The following AHCYL2 variants were observed in gnomAD, a reference collection of about 807,000 sequenced individuals.
AHCYL2 encodes the protein S-adenosylhomocysteine hydrolase-like protein 2.
AHCYL2 carries 28 observed loss-of-function variants against 81.4 expected under a neutral mutation model. The ratio of observed to expected loss-of-function variants is 0.34; its 90% CI spans 0.25 to 0.47. The LOEUF is 0.47. AHCYL2 is among the 20% of genes least tolerant of loss of function. The pLI, the probability that AHCYL2 is intolerant of heterozygous loss-of-function variation, is 1.00. For missense variants in AHCYL2, 551 were observed against 785.1 expected, an observed-to-expected ratio of 0.70 and a Z score of 3.56; for synonymous variants, 272 against 290.2, an observed-to-expected ratio of 0.94 and a Z score of 0.64.
intron 1 of AHCYL2, among the ~76,000 whole-genome samples, chr7:129,369,241 T>TA (rs1454054438): frequency 5.3e-5 from 8 of 152,244 alleles, no homozygotes; most frequent in African/African-American, 1.9e-4. Context: ...CATCCTTATG[T>TA]TTCTAAATAG....
intron 1 of AHCYL2, among the ~76,000 whole-genome samples, chr7:129,266,242 T>G (rs1199187083): frequency 1.3e-5 from 2 of 152,232 alleles, no homozygotes; most frequent in Non-Finnish European, 2.9e-5. Context: ...CGGTTAGGCT[T>G]CTTTGGTTGC....
rs964353540 is a variant in AHCYL2 at position 129,353,198 on chromosome 7, T to G, written c.364-26440T>G. On this transcript the variant is annotated intron_variant, in intron 1 of 16. Transcript: ENST00000325006. ...CCTGACCTTAGGTGATCCACCTGCC[T>G]CGGCCTCCCGAAGTGCTGGGATTAC... Among the ~76,000 whole-genome samples, 12 of 152,282 alleles carry G rather than the reference T, an allele frequency of 7.9e-5. 1 individual carries two copies. The highest frequency in any genetic ancestry group is 2.9e-4 in the African/African-American group (12 of 41,570).
chr7:129,311,369 C>T (rs1205823849), intron 1 of AHCYL2, among the ~76,000 whole-genome samples: 1 of 152,166 alleles, frequency 6.6e-6, no homozygotes, highest in East Asian at 1.9e-4. Flanking sequence ...TCTTTTCTGT[C>T]ATGGTGATCG....
At chr7:129,290,500 C>CA (rs76196258) in intron 1 of AHCYL2, among the ~76,000 whole-genome samples, 1,867 of 61,108 alleles carry the variant, frequency 0.031, 26 homozygotes, top group African/African-American at 0.042. Flanking sequence ...GACTCTGTCT[C>CA]AAAAAAAAAA....
chr7:129,377,396 C>A, intron 1 of AHCYL2: 1 of 312,668 alleles, frequency 3.2e-6, no homozygotes, highest in South Asian at 2.9e-5. Flanking sequence ...AATTTGCAAG[C>A]CCTAAAGCAC....
At chr7:129,375,825 G>A in intron 1 of AHCYL2, 2 of 1,535,018 alleles carry the variant, frequency 1.3e-6, no homozygotes, top group South Asian at 1.2e-5. Context: ...CTGATCACAA[G>A]GGTCCCTGGA....
At chr7:129,254,388 TA>T (rs1185867674) in intron 1 of AHCYL2, among the ~76,000 whole-genome samples, 1 of 152,202 alleles carries the variant, frequency 6.6e-6, no homozygotes, top group Non-Finnish European at 1.5e-5. Context: ...AAACCAGTAA[TA>T]TCCATTATCT....
At chr7:129,344,322 G>A (rs1584804208) in intron 1 of AHCYL2, among the ~76,000 whole-genome samples, 1 of 152,030 alleles carries the variant, frequency 6.6e-6, no homozygotes, top group African/African-American at 2.4e-5. Context: ...ATTCATAATG[G>A]CCCCAAAGTG....
Position 129,429,328 on chromosome 7 carries a change from T to G in AHCYL2, c.*2283T>G, listed in dbSNP as rs1797487632. On this transcript the variant is annotated 3_prime_UTR_variant, in exon 17 of 17. Coordinates refer to ENST00000325006, the MANE Select transcript of AHCYL2 (RefSeq NM_015328.4). ...AAGTATTTGGGTTCTATCTTAGGGT[T>G]GAAATCTGGTCATTATTCCCTCTAC... 6.6e-6 allele frequency: 1 copy of G among 152,208 alleles called. No homozygotes were observed. The highest frequency in any genetic ancestry group is 1.5e-5 in the Non-Finnish European group (1 of 68,034). 9.4% of individuals were successfully genotyped at this position (152,208 alleles called of 1,614,324 possible). A position where few individuals can be genotyped will look rare whatever the true frequency, so the allele number is the denominator to read the frequency against.
chr7:129,421,265 A>AG (rs397707943), intron 12 of AHCYL2, among the ~76,000 whole-genome samples: 1 of 151,560 alleles, frequency 6.6e-6, no homozygotes, highest in African/African-American at 2.4e-5. Flanking sequence ...AAAAAAAAAA[A>AG]GAATAGTGAA....
intron 1 of AHCYL2, among the ~76,000 whole-genome samples, chr7:129,344,535 A>G (rs778192273): frequency 6.0e-4 from 92 of 152,242 alleles, no homozygotes; most frequent in Non-Finnish European, 1.1e-3. Flanking sequence ...ATAAAAGGCA[A>G]ATCTATCTAT....
At position 129,225,451 on chromosome 7, in the gene AHCYL2, G is replaced by C. The variant is rs1323820173; in HGVS notation, c.363+12G>C. 5.3e-6 allele frequency: 8 copies of C among 1,500,988 alleles called. No homozygotes were observed. The highest frequency in any genetic ancestry group is 5.3e-6 in the Non-Finnish European group (6 of 1,131,174). The allele number at this position is 1,500,988 out of a possible 1,614,324, so 93.0% of individuals were successfully genotyped here. A position where few individuals can be genotyped will look rare whatever the true frequency, so the allele number is the denominator to read the frequency against. ...GCACAGTCAAGAAGGTACTGGGGCC[G>C]GGCTGCCTCTCTAGGAGAGGAAGGG... On this transcript the variant is annotated intron_variant, in intron 1 of 16. Transcript: ENST00000325006.
intron 1 of AHCYL2, among the ~76,000 whole-genome samples, chr7:129,255,089 C>T (rs1022928765): frequency 2.6e-5 from 4 of 151,636 alleles, no homozygotes; most frequent in Admixed American, 1.3e-4. Flanking sequence ...GGTGAACCCC[C>T]GTCTCTACTA....
At chr7:129,377,064 T>C (rs1203474917) in intron 1 of AHCYL2, among the ~76,000 whole-genome samples, 1 of 152,224 alleles carries the variant, frequency 6.6e-6, no homozygotes, top group African/African-American at 2.4e-5. Context: ...CTACTTCAGA[T>C]ATATTGATTC....
At chr7:129,300,659 T>C (rs10215998) in intron 1 of AHCYL2, among the ~76,000 whole-genome samples, 11,710 of 152,256 alleles carry the variant, frequency 0.077, 1,494 homozygotes, top group African/African-American at 0.27. Context: ...TGAATATATG[T>C]CCAACAGTGG....
chr7:129,270,107 C>A (rs1795956120), intron 1 of AHCYL2, among the ~76,000 whole-genome samples: 1 of 152,108 alleles, frequency 6.6e-6, no homozygotes, highest in African/African-American at 2.4e-5. Context: ...AAAATGAAGC[C>A]CATTAGGAGA....
intron 1 of AHCYL2, among the ~76,000 whole-genome samples, chr7:129,332,641 C>T (rs576286162): frequency 6.6e-6 from 1 of 152,358 alleles, no homozygotes; most frequent in East Asian, 1.9e-4. Flanking sequence ...TTCACCTCTC[C>T]TTTCTCCCAA....
chr7:129,399,787 C>T (rs1454912188), intron 5 of AHCYL2, among the ~76,000 whole-genome samples: 3 of 144,930 alleles, frequency 2.1e-5, no homozygotes, highest in Non-Finnish European at 4.5e-5. Context: ...AGTGCAGTGG[C>T]ACGATCTTGG....
chr7:129,227,457 C>CAAA (rs58088647), intron 1 of AHCYL2, among the ~76,000 whole-genome samples: 5 of 70,226 alleles, frequency 7.1e-5, no homozygotes, highest in Middle Eastern at 6.4e-3. Context: ...CCTCTCTCTC[C>CAAA]AAAAAAAAAA....
Sources: gnomAD v4.1 joint callset for allele counts (sites outside exome capture counted in the v4.1 genomes callset) on GRCh38, gnomAD v4.1.1 for gene constraint, MANE v1.5 for transcripts, NCBI Gene and HGNC (gene_info 2026-07-23, HGNC 2026-07-21) for gene names.